Variants in IFFO2 observed in about 807,000 individuals in gnomAD.
IFFO2 encodes the protein intermediate filament family orphan 2.
IFFO2 carries 19 observed loss-of-function variants against 53.5 expected under a neutral mutation model. The ratio of observed to expected loss-of-function variants is 0.36; its 90% CI spans 0.25 to 0.52. The LOEUF is 0.52. IFFO2 is among the 20% of genes least tolerant of loss of function. IFFO2 has a pLI of 0.94. For synonymous variants in IFFO2, 303 were observed against 313.6 expected (o/e 0.97, Z 0.36); for missense variants, 570 against 727.4 (o/e 0.78, Z 2.49).
intron 5 of IFFO2, among the ~76,000 whole-genome samples, chr1:18,915,024 C>A (rs1216130676): frequency 6.6e-6 from 1 of 152,144 alleles, no homozygotes; most frequent in African/African-American, 2.4e-5. Flanking sequence ...TTCCTGTCCC[C>A]ACCCAGTTCC....
intron 1 of IFFO2, among the ~76,000 whole-genome samples, chr1:18,937,475 G>A (rs900373967): frequency 3.3e-5 from 5 of 152,162 alleles, no homozygotes; most frequent in Admixed American, 6.5e-5. Flanking sequence ...TGGAGGCTGA[G>A]CACCAGGCAA....
Position 18,955,799 on chromosome 1 carries a change from C to T in IFFO2, c.534G>A (p.Val178=), listed in dbSNP as rs1413173379. ...RRTGGGGVET[V]QGPGVSWVHP... ...GCACCCACGACACGCCGGGGCCCTG[C>T]ACGGTCTCCACGCCGCCGCCGCCCG... is the stretch of plus-strand genomic sequence containing the variant. Residue 178 remains valine (V), a synonymous_variant, in exon 1 of 9, where the codon GTG becomes GTA. Coordinates refer to ENST00000455833, the MANE Select transcript of IFFO2 (RefSeq NM_001136265.2). 2 of 1,534,788 alleles carry T rather than the reference C, an allele frequency of 1.3e-6. No individual in the cohort carries two copies. The highest frequency in any genetic ancestry group is 2.0e-5 in the Admixed American group (1 of 50,826).
intron 1 of IFFO2, among the ~76,000 whole-genome samples, chr1:18,935,726 C>T (rs548941818): frequency 1.0e-4 from 15 of 146,682 alleles, no homozygotes; most frequent in Admixed American, 4.8e-4. Context: ...GAGATAAGAT[C>T]TCGCTGTGTG....
rs376077044 is a variant in IFFO2 at position 18,916,933 on chromosome 1, G to C, written c.1073C>G (p.Thr358Ser). 1.3e-6 allele frequency: 2 copies of C among 1,551,932 alleles called. No individual in the cohort carries two copies. The highest frequency in any genetic ancestry group is 3.9e-5 in the Admixed American group (2 of 51,014). Residue 358 changes from threonine to serine, a missense_variant, in exon 5 of 9, where the codon ACC (threonine) becomes AGC (serine). Transcript: ENST00000455833. The surrounding 1 kb of genome is among the most constrained non-coding windows in gnomAD (Gnocchi z 4.3). The stretch of plus-strand genomic sequence containing the variant: ...GTTAAACATGCGCTTCATCTCATCG[G>C]TGATGTTCATGGAGCCGACCTCATC... ...SDDEVGSMNI[T>S]DEMKRMFNQL...
Position 18,918,466 on chromosome 1 carries a change from C to T in IFFO2, c.859G>A (p.Ala287Thr). The change falls in exon 4 of 9, where the codon GCC (alanine) becomes ACC (threonine). Residue 287 changes from alanine to threonine, a missense_variant. Coordinates refer to ENST00000455833, the MANE Select transcript of IFFO2 (RefSeq NM_001136265.2). The surrounding 1 kb of genome is among the most constrained non-coding windows in gnomAD (Gnocchi z 5.2). ...TDLDTKIQEK[A>T]MKVDMDICRR... ...CAGATGTCCATGTCCACCTTCATGG[C>T]CTTTTCTTGGATCTTTGTGTCCAGG... is the stretch of plus-strand genomic sequence containing the variant. 6.4e-7 allele frequency: 1 copy of T among 1,560,346 alleles called. No individual in the cohort carries two copies. The highest frequency in any genetic ancestry group is 8.7e-7 in the Non-Finnish European group (1 of 1,151,828).
intron 1 of IFFO2, among the ~76,000 whole-genome samples, chr1:18,944,565 C>T (rs928357434): frequency 1.3e-5 from 2 of 152,110 alleles, no homozygotes; most frequent in African/African-American, 4.8e-5. Flanking sequence ...TGCCCCCCAC[C>T]ATGATGTCAA....
chr1:18,940,417 C>T (rs1232146882), intron 1 of IFFO2, among the ~76,000 whole-genome samples: 3 of 152,214 alleles, frequency 2.0e-5, no homozygotes, highest in Admixed American at 2.0e-4. Context: ...AAGGACTCTT[C>T]CAGCCCTGAT....
chr1:18,937,232 A>C (rs1264801483), intron 1 of IFFO2, among the ~76,000 whole-genome samples: 2 of 152,204 alleles, frequency 1.3e-5, no homozygotes, highest in Non-Finnish European at 2.9e-5. Context: ...TGTGCAACCA[A>C]GGATGGGTAA....
chr1:18,954,431 T>G (rs1163700609), intron 1 of IFFO2, among the ~76,000 whole-genome samples: 1 of 152,262 alleles, frequency 6.6e-6, no homozygotes, highest in Non-Finnish European at 1.5e-5. Flanking sequence ...GTTGCTAGCC[T>G]GTCCAATGGG....
intron 1 of IFFO2, among the ~76,000 whole-genome samples, chr1:18,954,553 G>A (rs1016454579): frequency 3.3e-5 from 5 of 152,218 alleles, no homozygotes; most frequent in African/African-American, 7.2e-5. Context: ...CAATAGCTCC[G>A]AATGGAAGGC....
chr1:18,915,484 G>A lies in IFFO2; in HGVS notation c.1103+1419C>T, dbSNP rs150779779. On this transcript the variant is annotated intron_variant, in intron 5 of 8. Coordinates refer to ENST00000455833, the MANE Select transcript of IFFO2 (RefSeq NM_001136265.2). ...TCTAAGAGCTGGCGCCAGCAGGCTC[G>A]CCCACCACTGATCATACCCAGCCCA... Among the ~76,000 whole-genome samples the A allele has an allele frequency of 6.2e-3, 949 of 152,156 alleles. 6 individuals are homozygous for A. The highest frequency in any genetic ancestry group is 0.017 in the Middle Eastern group (5 of 294).
intron 1 of IFFO2, among the ~76,000 whole-genome samples, chr1:18,937,611 G>A (rs1406486822): frequency 1.3e-5 from 2 of 152,212 alleles, no homozygotes; most frequent in African/African-American, 2.4e-5. Context: ...TTCCATGACT[G>A]CAAAGCCCCT....
At position 18,907,250 on chromosome 1, in the gene IFFO2, C is replaced by A. The variant is rs1255492812; in HGVS notation, c.*1311G>T. On this transcript the variant is annotated 3_prime_UTR_variant, in exon 9 of 9. Transcript: ENST00000455833. ...GATTTGGAAGGGGGCCACACAGTGC[C>A]CTTCAACGCAGTCCCACTCAAGCCA... The A allele has an allele frequency of 6.6e-6, 1 of 152,202 alleles. No homozygotes were observed. The highest frequency in any genetic ancestry group is 1.9e-4 in the East Asian group (1 of 5,196). 9.4% of individuals were successfully genotyped at this position (152,202 alleles called of 1,614,324 possible).
intron 5 of IFFO2, among the ~76,000 whole-genome samples, chr1:18,913,899 C>T (rs944538958): frequency 1.3e-5 from 2 of 152,134 alleles, no homozygotes; most frequent in Non-Finnish European, 2.9e-5. Flanking sequence ...GGTGCGATCT[C>T]GGCTCACTGC....
chr1:18,904,717 C>T lies in IFFO2; in HGVS notation c.*3844G>A, dbSNP rs1222161224. The T allele has an allele frequency of 6.6e-6, 1 of 152,172 alleles. No individual in the cohort carries two copies. The highest frequency in any genetic ancestry group is 2.4e-5 in the African/African-American group (1 of 41,410). The allele number at this position is 152,172 out of a possible 1,614,324, so 9.4% of individuals were successfully genotyped here. On this transcript the variant is annotated 3_prime_UTR_variant, in exon 9 of 9. Coordinates refer to ENST00000455833, the MANE Select transcript of IFFO2 (RefSeq NM_001136265.2). Reference sequence around the variant, plus strand: ...CCCACCCAGTCCCCTCCAGACTCCCCACTCCAGGAGAGAGCTCTTCTAGAG... The same window carrying T: ...CCCACCCAGTCCCCTCCAGACTCCCTACTCCAGGAGAGAGCTCTTCTAGAG...
chr1:18,917,084 G>T lies in IFFO2; in HGVS notation c.964-42C>A. The T allele has an allele frequency of 6.5e-7, 1 of 1,548,872 alleles. No individual in the cohort carries two copies. On this transcript the variant is annotated intron_variant, in intron 4 of 8. Transcript: ENST00000455833. This position sits in a 1 kb window ranked among gnomAD's most constrained non-coding sequence, Gnocchi z 5.9. ...GCAATCAAGGTAACTGGGGGGCTCG[G>T]CTAGGATGGAAGGTAGGGGTGAACT...
intron 1 of IFFO2, among the ~76,000 whole-genome samples, chr1:18,932,423 A>T (rs1936391995): frequency 6.6e-6 from 1 of 152,162 alleles, no homozygotes; most frequent in South Asian, 2.1e-4. Context: ...CACTGACTGC[A>T]GAGATCCCAC....
intron 1 of IFFO2, among the ~76,000 whole-genome samples, chr1:18,944,009 C>T (rs150918683): frequency 2.6e-5 from 4 of 152,244 alleles, no homozygotes; most frequent in African/African-American, 9.6e-5. Context: ...CAGAGGGAGC[C>T]CTGAGCTCAA....
intron 1 of IFFO2, among the ~76,000 whole-genome samples, chr1:18,932,357 C>T (rs1182834820): frequency 5.9e-5 from 9 of 152,302 alleles, no homozygotes; most frequent in Non-Finnish European, 1.0e-4. Flanking sequence ...GGCTCCACTG[C>T]GCTATGGAAA....
Sources: allele counts gnomAD v4.1 joint callset (sites outside exome capture counted in the v4.1 genomes callset), GRCh38; gene constraint gnomAD v4.1.1; non-coding constraint Gnocchi (gnomAD v3.1); transcripts MANE v1.5; gene names NCBI Gene and HGNC (gene_info 2026-07-23, HGNC 2026-07-21).